Variants in CMTR1 observed in about 807,000 individuals in gnomAD.
CMTR1 encodes cap methyltransferase 1.
In CMTR1, 39 loss-of-function variants were observed where a neutral mutation model predicts 107.0. The observed-to-expected ratio is 0.36, with a 90% CI of 0.28 to 0.48. The LOEUF (loss-of-function observed/expected upper bound fraction) is 0.48. Ranked by LOEUF, CMTR1 falls within the 20% of genes least tolerant of loss-of-function variation. CMTR1 has a pLI of 0.99. For missense variants in CMTR1, 672 were observed against 1,064.9 expected (o/e 0.63, Z 5.14); for synonymous variants, 366 against 379.5 (o/e 0.96, Z 0.41).
chr6:37,475,318 T>C lies in CMTR1; in HGVS notation c.1945-3T>C, dbSNP rs777288523. ...TGGGCAGTGTACCTACTTATCCTTC[T>C]AGGGGAAGGCCCAGAGGAAGATCAG... On this transcript the variant is annotated splice_region_variant and splice_polypyrimidine_tract_variant and intron_variant, in intron 18 of 23. Transcript: ENST00000373451. 1.4e-5 allele frequency: 23 copies of C among 1,613,128 alleles called. No homozygotes were observed. The highest frequency in any genetic ancestry group is 2.0e-5 in the Non-Finnish European group (23 of 1,179,428).
upstream of CMTR1, among the ~76,000 whole-genome samples, chr6:37,428,996 A>G (rs1771329706): frequency 6.6e-6 from 1 of 152,178 alleles, no homozygotes; most frequent in African/African-American, 2.4e-5. Flanking sequence ...TTTAGCGCCA[A>G]ATATTTTTTT....
Position 37,480,427 on chromosome 6 carries a change from G to A in CMTR1, c.*282G>A, listed in dbSNP as rs1289622919. On this transcript the variant is annotated 3_prime_UTR_variant, in exon 24 of 24. Coordinates refer to ENST00000373451, the MANE Select transcript of CMTR1 (RefSeq NM_015050.3). ...GAGGCAGGTATGAGGTCAGTGCCTA[G>A]GGCACGTGGGACTGATGGAGGACAT... 3 of 1,255,624 alleles carry A rather than the reference G, an allele frequency of 2.4e-6. No homozygotes were observed. Among genetic ancestry groups the A allele is most frequent in the Non-Finnish European group, 3.0e-6 (3 of 999,710 alleles). 77.8% of individuals were successfully genotyped at this position (1,255,624 alleles called of 1,614,324 possible).
In CMTR1 at chr6:37,448,856, C is replaced by T. The variant is rs1160728504; in HGVS notation, c.445-1395C>T. 3.3e-5 allele frequency among the ~76,000 whole-genome samples: 5 copies of T among 152,208 alleles called. No homozygotes were observed. In the East Asian group the frequency reaches 9.6e-4, roughly 29 times the overall value. The stretch of plus-strand genomic sequence containing the variant: ...CCTGCACAGTAGAATCATCTGGGGA[C>T]TTCTGAAAACTTATCCCCAGGCCTC... On this transcript the variant is annotated intron_variant, in intron 4 of 23. Coordinates refer to ENST00000373451, the MANE Select transcript of CMTR1 (RefSeq NM_015050.3).
In CMTR1 at chr6:37,444,167, G is replaced by T; in HGVS notation, c.285+17G>T. The T allele has an allele frequency of 6.2e-7, 1 of 1,611,628 alleles. No homozygotes were observed. Among genetic ancestry groups the T allele is most frequent in the Non-Finnish European group, 8.5e-7 (1 of 1,178,864 alleles). On this transcript the variant is annotated intron_variant, in intron 3 of 23. Coordinates refer to ENST00000373451, the MANE Select transcript of CMTR1 (RefSeq NM_015050.3). The stretch of plus-strand genomic sequence containing the variant: ...AAGCTTATGGTATGTCAGCGCTTGG[G>T]TTGGGTTTCTCAAGCCCCACCAGCA...
chr6:37,477,674 A>T (rs533915024), intron 21 of CMTR1, 35 bp downstream of exon 21: 4 of 1,434,416 alleles, frequency 2.8e-6, no homozygotes, highest in Admixed American at 1.9e-5. Flanking sequence ...CAGATTCAAG[A>T]GGAGGTGGGG....
chr6:37,431,122 T>C (rs1771357505), upstream of CMTR1, among the ~76,000 whole-genome samples: 1 of 152,070 alleles, frequency 6.6e-6, no homozygotes, highest in Admixed American at 6.6e-5. Flanking sequence ...AAAAATAAAA[T>C]TTAACTTTAA....
chr6:37,472,336 A>G lies in CMTR1; in HGVS notation c.1621-83A>G, dbSNP rs1761644725. The G allele has an allele frequency of 2.4e-6, 3 of 1,276,258 alleles. No individual in the cohort carries two copies. The highest frequency in any genetic ancestry group is 3.4e-5 in the Admixed American group (2 of 59,010). 79.1% of individuals were successfully genotyped at this position (1,276,258 alleles called of 1,614,324 possible). On this transcript the variant is annotated intron_variant, in intron 15 of 23. Transcript: ENST00000373451. The surrounding 1 kb of genome is among the most constrained non-coding windows in gnomAD (Gnocchi z 4.1). ...CATTCCTCCTCCCCAGTCTGACCCT[A>G]TCTCCTCCACCTGCATATACTCATA...
At chr6:37,476,060 C>T (rs990863143) in intron 19 of CMTR1, 66 bp from the exon 20 acceptor site, 4 of 1,511,954 alleles carry the variant, frequency 2.6e-6, no homozygotes, top group African/African-American at 2.7e-5. Flanking sequence ...TGAAAATGCC[C>T]TGGGGGTAGG....
chr6:37,451,771 C>G, intron 5 of CMTR1, 35 bp from the exon 6 acceptor site: 5 of 1,510,218 alleles, frequency 3.3e-6, no homozygotes, highest in Non-Finnish European at 3.7e-6. Flanking sequence ...TGCAGTCACA[C>G]GTGGTCATTA....
the CMTR1 span, among the ~76,000 whole-genome samples, chr6:37,424,383 C>T: frequency 7.2e-4 from 109 of 151,864 alleles, no homozygotes; most frequent in South Asian, 3.5e-3. Context: ...GGTGGGACTA[C>T]AGGCGCCCGC....
At position 37,459,666 on chromosome 6, in the gene CMTR1, T is replaced by C. The variant is rs751159738; in HGVS notation, c.1077T>C (p.His359=). ...ATAACACAGATCGCAAGGGTGTCCA[T>C]TTTCTGATGGCTGATGGGGTAGGTT... ...VLDNTDRKGV[H]FLMADGGFSV... The change falls in exon 10 of 24, where the codon CAT becomes CAC. Residue 359 remains histidine (H), a synonymous_variant. Transcript: ENST00000373451. 5 of 1,613,782 alleles carry C rather than the reference T, an allele frequency of 3.1e-6. No individual in the cohort carries two copies. Among genetic ancestry groups the C allele is most frequent in the Non-Finnish European group, 4.2e-6 (5 of 1,179,642 alleles).
intron 9 of CMTR1, among the ~76,000 whole-genome samples, chr6:37,459,163 CTG>C (rs1761354136): frequency 1.3e-5 from 2 of 152,402 alleles, no homozygotes; most frequent in African/African-American, 2.4e-5. Flanking sequence ...CTCTCGCCCT[CTG>C]TGCCAGGTGC....
chr6:37,458,819 A>G lies in CMTR1; in HGVS notation c.976+9A>G. On this transcript the variant is annotated intron_variant, in intron 9 of 23. Coordinates refer to ENST00000373451, the MANE Select transcript of CMTR1 (RefSeq NM_015050.3). The surrounding 1 kb of genome is among the most constrained non-coding windows in gnomAD (Gnocchi z 4.7). The stretch of plus-strand genomic sequence containing the variant: ...CTTCGAACCCTACTATGGTAGGGAC[A>G]TTGAGGAGGGTACTAGGAGGTATGA... 1 of 1,612,250 alleles carries G rather than the reference A, an allele frequency of 6.2e-7. No individual in the cohort carries two copies. The highest frequency in any genetic ancestry group is 2.2e-5 in the East Asian group (1 of 44,874).
At chr6:37,478,611 A>C (rs1415134832) in intron 22 of CMTR1, 90 bp downstream of exon 22, 3 of 1,020,648 alleles carry the variant, frequency 2.9e-6, no homozygotes, top group East Asian at 4.8e-5. Context: ...AGCCAGAGCG[A>C]AGGGCTCCCA....
chr6:37,431,624 G>A (rs533772735), upstream of CMTR1, among the ~76,000 whole-genome samples: 1 of 152,278 alleles, frequency 6.6e-6, no homozygotes, highest in Non-Finnish European at 1.5e-5. Flanking sequence ...TAAGTGCTTT[G>A]ATAGTGGAAG....
At position 37,481,480 on chromosome 6, in the gene CMTR1, T is replaced by G. The variant is rs1761857200; in HGVS notation, c.*1335T>G. ...TATATCAGTGTGTCTTGCAGAATCT[T>G]GGATCATTAAAGATAAACATATTTT... On this transcript the variant is annotated 3_prime_UTR_variant, in exon 24 of 24. Transcript: ENST00000373451. The G allele has an allele frequency of 8.9e-7, 1 of 1,118,538 alleles. No homozygotes were observed. The highest frequency in any genetic ancestry group is 1.1e-6 in the Non-Finnish European group (1 of 907,536). The allele number at this position is 1,118,538 out of a possible 1,614,324, so 69.3% of individuals were successfully genotyped here. A position where few individuals can be genotyped will look rare whatever the true frequency, so the allele number is the denominator to read the frequency against.
chr6:37,473,753 T>G, intron 17 of CMTR1, 152 bp downstream of exon 17: 1 of 894,064 alleles, frequency 1.1e-6, no homozygotes, highest in South Asian at 1.8e-5. Flanking sequence ...GAAACTTCGT[T>G]TCCTTTCTTC....
At chr6:37,430,170 C>G (rs1380739693), upstream of CMTR1, among the ~76,000 whole-genome samples, 1 of 152,134 alleles carries the variant, frequency 6.6e-6, no homozygotes, top group African/African-American at 2.4e-5. Flanking sequence ...GAAACTCACT[C>G]TTGATTTGAC....
intron 10 of CMTR1, among the ~76,000 whole-genome samples, chr6:37,461,340 G>T (rs2113880535): frequency 6.6e-6 from 1 of 152,298 alleles, no homozygotes; most frequent in Non-Finnish European, 1.5e-5. Flanking sequence ...AAGTGGAGCT[G>T]GTCCAGTAGT....
Sources: gnomAD v4.1 joint callset for allele counts (sites outside exome capture counted in the v4.1 genomes callset) on GRCh38, gnomAD v4.1.1 for gene constraint, Gnocchi (gnomAD v3.1) non-coding constraint, MANE v1.5 for transcripts, NCBI Gene and HGNC (gene_info 2026-07-23, HGNC 2026-07-21) for gene names.